Variants in EXT1 observed in about 807,000 individuals in gnomAD.
EXT1 encodes exostosin-1.
Under a neutral mutation model 82.5 loss-of-function variants are expected in EXT1, and 20 were observed. That is an observed-to-expected ratio of 0.24 (90% CI 0.17 to 0.35). The LOEUF (loss-of-function observed/expected upper bound fraction) is 0.35. EXT1 is among the 10% of genes least tolerant of loss of function. The pLI is 1.00. For missense variants in EXT1, 757 were observed against 936.5 expected, an observed-to-expected ratio of 0.81 and a Z score of 2.50; for synonymous variants, 348 against 350.8, an observed-to-expected ratio of 0.99 and a Z score of 0.09.
intron 1 of EXT1, among the ~76,000 whole-genome samples, chr8:118,096,180 T>C (rs1817607682): frequency 6.6e-6 from 1 of 152,180 alleles, no homozygotes. Flanking sequence ...AGTTTCAATA[T>C]CTACAGACTG....
At chr8:118,082,079 G>A (rs1239959103) in intron 1 of EXT1, among the ~76,000 whole-genome samples, 3 of 152,130 alleles carry the variant, frequency 2.0e-5, no homozygotes, top group Non-Finnish European at 4.4e-5. Flanking sequence ...GACAAGAAAT[G>A]TTAATTTCCC....
At position 118,029,731 on chromosome 8, in the gene EXT1, TCAAAGTCTTGC is replaced by T. The variant is rs571942565; in HGVS notation, c.962+80343_962+80353del. 3.9e-5 allele frequency among the ~76,000 whole-genome samples: 6 copies of T among 152,346 alleles called. No homozygotes were observed. The East Asian group carries it at 1.2e-3, about 29-fold the overall frequency. The stretch of plus-strand genomic sequence containing the variant: ...ATCTGAATGTGATAGGCCAATAATG[TCAAAGTCTTGC>T]CACCCATCCACTTTGCTCGTTTTAC... On this transcript the variant is annotated intron_variant, in intron 1 of 10. Coordinates refer to ENST00000378204, the MANE Select transcript of EXT1 (RefSeq NM_000127.3).
intron 1 of EXT1, among the ~76,000 whole-genome samples, chr8:117,854,750 C>T (rs942745966): frequency 2.0e-5 from 3 of 152,156 alleles, no homozygotes; most frequent in Non-Finnish European, 4.4e-5. Flanking sequence ...ATACTATGGT[C>T]CCATTTCACA....
chr8:118,050,305 G>A (rs1337304000), intron 1 of EXT1, among the ~76,000 whole-genome samples: 1 of 152,190 alleles, frequency 6.6e-6, no homozygotes, highest in East Asian at 1.9e-4. Flanking sequence ...TTGGCAGCAT[G>A]CTATACATGT....
chr8:117,897,214 TG>T (rs1813356428), intron 1 of EXT1, among the ~76,000 whole-genome samples: 1 of 152,180 alleles, frequency 6.6e-6, no homozygotes, highest in African/African-American at 2.4e-5. Flanking sequence ...ACCTAGAGCT[TG>T]TAGAAATGAG....
intron 1 of EXT1, among the ~76,000 whole-genome samples, chr8:118,104,932 G>C (rs1254099745): frequency 6.6e-6 from 1 of 152,186 alleles, no homozygotes; most frequent in Non-Finnish European, 1.5e-5. Flanking sequence ...GCTGCAAAGC[G>C]AATGCAGTGA....
In EXT1 at chr8:117,965,868, T is replaced by C. The variant is rs1415565070; in HGVS notation, c.963-128667A>G. On this transcript the variant is annotated intron_variant, in intron 1 of 10. Coordinates refer to ENST00000378204, the MANE Select transcript of EXT1 (RefSeq NM_000127.3). The stretch of plus-strand genomic sequence containing the variant: ...TTCTGATATGTGGAATAACTAAAAA[T>C]CTTCCCCACCATGAACAAAGGGTAA... 2.0e-5 allele frequency among the ~76,000 whole-genome samples: 3 copies of C among 152,186 alleles called. No homozygotes were observed. The East Asian group carries it at 5.8e-4, about 29-fold the overall frequency.
Position 117,830,328 on chromosome 8 carries a change from T to C in EXT1, c.1186A>G (p.Ile396Val), listed in dbSNP as rs749048200. Residue 396 changes from isoleucine (I) to valine (V), a missense_variant, in exon 4 of 11, where the codon ATT (isoleucine) becomes GTT (valine). Around this residue, in one of 4 missense-constraint regions of EXT1, gnomAD observed 207 missense variants for 224.2 expected, o/e 0.92. Coordinates refer to ENST00000378204, the MANE Select transcript of EXT1 (RefSeq NM_000127.3). ...AGTGCTAGGATTTTATCCTGATGAA[T>C]AGACCTGATTGTAGAAGGAATCTGT... is the stretch of plus-strand genomic sequence containing the variant. Reference protein sequence around the residue: ...LLQIPSTIRSIHQDKILALRQ... With the variant: ...LLQIPSTIRSVHQDKILALRQ... 1.2e-6 allele frequency: 2 copies of C among 1,614,102 alleles called. No homozygotes were observed. Among genetic ancestry groups the C allele is most frequent in the Non-Finnish European group, 8.5e-7 (1 of 1,179,988 alleles).
At chr8:118,022,905 C>T (rs983515581) in intron 1 of EXT1, among the ~76,000 whole-genome samples, 2 of 152,064 alleles carry the variant, frequency 1.3e-5, no homozygotes, top group African/African-American at 2.4e-5. Context: ...CAGTATAAGG[C>T]TTAGCACCCA....
At chr8:117,831,465 G>A (rs183422441) in intron 3 of EXT1, 1 of 401,048 alleles carries the variant, frequency 2.5e-6, no homozygotes, top group Non-Finnish European at 5.1e-6. Context: ...GCTCTGAAAT[G>A]TACTTCCTGA....
intron 1 of EXT1, among the ~76,000 whole-genome samples, chr8:117,932,319 C>T (rs1814075131): frequency 6.6e-6 from 1 of 152,134 alleles, no homozygotes; most frequent in African/African-American, 2.4e-5. Flanking sequence ...GGAGCAATCC[C>T]TTCATACTGA....
chr8:117,822,805 C>T (rs556421853), intron 4 of EXT1, among the ~76,000 whole-genome samples: 1 of 152,246 alleles, frequency 6.6e-6, no homozygotes, highest in South Asian at 2.1e-4. Context: ...GAATTATAGC[C>T]AATCAAATTT....
Position 117,972,125 on chromosome 8 carries a change from G to A in EXT1, c.963-134924C>T, listed in dbSNP as rs187268032. On this transcript the variant is annotated intron_variant, in intron 1 of 10. Transcript: ENST00000378204. ...AGATTGTGCCATTGCAGTCCAGCCC[G>A]GGCAACAAGAGCAAAACTCCAACAA... 1.1e-3 allele frequency among the ~76,000 whole-genome samples: 168 copies of A among 149,652 alleles called. 1 individual carries two copies. Among genetic ancestry groups the A allele is most frequent in the Non-Finnish European group, 1.4e-3 (97 of 67,664 alleles).
intron 7 of EXT1, among the ~76,000 whole-genome samples, chr8:117,816,998 G>A (rs1346569079): frequency 6.6e-6 from 1 of 152,166 alleles, no homozygotes; most frequent in Admixed American, 6.5e-5. Flanking sequence ...CTATGGGGGG[G>A]ATGGATATAA....
intron 1 of EXT1, among the ~76,000 whole-genome samples, chr8:118,063,001 G>T (rs1295169579): frequency 1.3e-5 from 2 of 152,074 alleles, no homozygotes; most frequent in Admixed American, 6.5e-5. Flanking sequence ...AATCTGGAAA[G>T]AAGAAGGAGA....
intron 1 of EXT1, among the ~76,000 whole-genome samples, chr8:117,914,834 T>C (rs1465154427): frequency 6.6e-6 from 1 of 152,164 alleles, no homozygotes; most frequent in African/African-American, 2.4e-5. Flanking sequence ...CATAGACCCT[T>C]ATCAGTAGTT....
chr8:118,082,615 G>A (rs967846931), intron 1 of EXT1, among the ~76,000 whole-genome samples: 20 of 152,246 alleles, frequency 1.3e-4, no homozygotes, highest in African/African-American at 4.8e-4. Context: ...CTTTTAACAA[G>A]AAACAGATGG....
chr8:117,972,598 G>C (rs1814965423), intron 1 of EXT1, among the ~76,000 whole-genome samples: 1 of 152,146 alleles, frequency 6.6e-6, no homozygotes, highest in Non-Finnish European at 1.5e-5. Flanking sequence ...AATACCAATT[G>C]CTTTCTTTTG....
intron 1 of EXT1, among the ~76,000 whole-genome samples, chr8:117,921,954 C>T (rs908973438): frequency 5.4e-5 from 8 of 149,066 alleles, no homozygotes; most frequent in African/African-American, 2.0e-4. Context: ...TGGATTATGT[C>T]GCTTTATTCA....
Sources: gnomAD v4.1 joint callset for allele counts (sites outside exome capture counted in the v4.1 genomes callset) on GRCh38, gnomAD v4.1.1 for gene constraint, gnomAD v4.1.1 regional missense constraint, MANE v1.5 for transcripts, NCBI Gene and HGNC (gene_info 2026-07-23, HGNC 2026-07-21) for gene names.